Variants in OTUD7A observed in about 807,000 individuals in gnomAD.
OTUD7A encodes the protein OTU domain-containing protein 7A.
OTUD7A carries 12 observed loss-of-function variants against 65.7 expected under a neutral mutation model. The ratio of observed to expected loss-of-function variants is 0.18; its 90% CI spans 0.12 to 0.30. The LOEUF (loss-of-function observed/expected upper bound fraction) is 0.30. Ranked by LOEUF, OTUD7A falls within the 10% of genes least tolerant of loss-of-function variation. The pLI, the probability that OTUD7A is intolerant of heterozygous loss-of-function variation, is 1.00. For synonymous variants in OTUD7A, 641 were observed against 586.3 expected (o/e 1.09, Z -1.35); for missense variants, 1,148 against 1,304.8 (o/e 0.88, Z 1.85).
chr15:31,853,443 A>G (rs987909553), intron 1 of OTUD7A, among the ~76,000 whole-genome samples: 1 of 152,242 alleles, frequency 6.6e-6, no homozygotes, highest in Non-Finnish European at 1.5e-5. Flanking sequence ...ACAAGCCACA[A>G]ACTACTGAGT....
chr15:31,663,069 T>TTC (rs1247294418), intron 1 of OTUD7A, among the ~76,000 whole-genome samples: 1 of 151,996 alleles, frequency 6.6e-6, no homozygotes, highest in Non-Finnish European at 1.5e-5. Context: ...CTTTTTTTTT[T>TTC]TGAGATGGAG....
intron 3 of OTUD7A, among the ~76,000 whole-genome samples, chr15:31,638,538 C>A (rs1891411370): frequency 6.6e-6 from 1 of 150,828 alleles, no homozygotes; most frequent in African/African-American, 2.4e-5. Flanking sequence ...CACCACCAAA[C>A]CAGGCTGATT....
At chr15:31,787,215 C>A (rs1358004485) in intron 1 of OTUD7A, among the ~76,000 whole-genome samples, 1 of 152,150 alleles carries the variant, frequency 6.6e-6, no homozygotes, top group African/African-American at 2.4e-5. Context: ...AGGAAAAGGG[C>A]ACTTGATGGT....
intron 1 of OTUD7A, among the ~76,000 whole-genome samples, chr15:31,790,989 T>C (rs905307471): frequency 6.6e-6 from 1 of 152,190 alleles, no homozygotes; most frequent in Non-Finnish European, 1.5e-5. Flanking sequence ...TCTTGAGTTT[T>C]AGTCCTGACC....
intron 6 of OTUD7A, among the ~76,000 whole-genome samples, 167 bp downstream of exon 6, chr15:31,530,540 G>A (rs974099105): frequency 1.3e-5 from 2 of 152,214 alleles, no homozygotes; most frequent in Non-Finnish European, 2.9e-5. Context: ...TTGACAAGAA[G>A]GGCCAGGATT....
chr15:31,551,257 G>T (rs1275125315), intron 5 of OTUD7A, among the ~76,000 whole-genome samples: 2 of 152,322 alleles, frequency 1.3e-5, no homozygotes, highest in East Asian at 3.9e-4. Context: ...AACCTAGAAT[G>T]TGGTGCCCGA....
intron 3 of OTUD7A, among the ~76,000 whole-genome samples, chr15:31,644,075 G>A (rs1239337547): frequency 2.0e-5 from 3 of 152,166 alleles, no homozygotes; most frequent in African/African-American, 4.8e-5. Flanking sequence ...GGAAAGCAAC[G>A]TGGAGTAGCT....
chr15:31,563,255 T>C (rs1298126719), intron 4 of OTUD7A, among the ~76,000 whole-genome samples: 1 of 152,186 alleles, frequency 6.6e-6, no homozygotes, highest in African/African-American at 2.4e-5. Flanking sequence ...TGTGGCCATC[T>C]GTCTGGATTG....
intron 1 of OTUD7A, among the ~76,000 whole-genome samples, chr15:31,852,192 A>G (rs1463125650): frequency 6.6e-6 from 1 of 152,178 alleles, no homozygotes; most frequent in Non-Finnish European, 1.5e-5. Context: ...ACTTTTTGCC[A>G]GCAATTGAAG....
rs758269775 is a variant in OTUD7A at position 31,526,393 on chromosome 15, G to A, written c.849C>T (p.Ser283=). The A allele has an allele frequency of 1.4e-5, 22 of 1,601,702 alleles. No individual in the cohort carries two copies. The highest frequency in any genetic ancestry group is 5.3e-5 in the African/African-American group (4 of 74,878). The change falls in exon 8 of 13, where the codon AGC becomes AGT. Residue 283 remains serine, a synonymous_variant. Coordinates refer to ENST00000307050, the MANE Select transcript of OTUD7A (RefSeq NM_001382637.1). ...TCTTGCTGAAGTGTGTGCGCGGCTC[G>A]CTGGAGGCCAGCTTCAGCAGCTCCG... ...EWTELLKLAS[S]EPRTHFSKNG...
intron 1 of OTUD7A, among the ~76,000 whole-genome samples, chr15:31,821,125 T>A (rs1896668867): frequency 6.8e-6 from 1 of 147,956 alleles, no homozygotes; most frequent in Non-Finnish European, 1.5e-5. Flanking sequence ...TAAATCAGTT[T>A]TTCATTTCTT....
At chr15:31,569,783 T>C (rs1595618477) in intron 4 of OTUD7A, among the ~76,000 whole-genome samples, 1 of 152,272 alleles carries the variant, frequency 6.6e-6, no homozygotes, top group East Asian at 1.9e-4. Context: ...TATTGGGCTT[T>C]TGGGGTCCTA....
intron 1 of OTUD7A, among the ~76,000 whole-genome samples, chr15:31,682,567 A>G (rs561265362): frequency 6.6e-6 from 1 of 152,352 alleles, no homozygotes; most frequent in South Asian, 2.1e-4. Context: ...AAGACAACTG[A>G]TTTTTGACAA....
In OTUD7A at chr15:31,527,321, G is replaced by A. The variant is rs746253984; in HGVS notation, c.653-13C>T. On this transcript the variant is annotated splice_polypyrimidine_tract_variant and intron_variant, in intron 6 of 12. Transcript: ENST00000307050. ...AACCCCCACATTCCTGGAGCCAGGA[G>A]GCCAGGGAGAACAGAGGAGAGAAAG... 2 of 1,613,630 alleles carry A rather than the reference G, an allele frequency of 1.2e-6. No individual in the cohort carries two copies. The highest frequency in any genetic ancestry group is 8.5e-7 in the Non-Finnish European group (1 of 1,179,756).
intron 1 of OTUD7A, among the ~76,000 whole-genome samples, chr15:31,728,244 G>A (rs1001029501): frequency 2.6e-5 from 4 of 152,046 alleles, no homozygotes; most frequent in African/African-American, 4.8e-5. Context: ...CTTCTTTCAC[G>A]ATGCATCAGT....
intron 7 of OTUD7A, among the ~76,000 whole-genome samples, chr15:31,526,691 G>C (rs1225246078): frequency 6.6e-6 from 1 of 152,172 alleles, no homozygotes; most frequent in Non-Finnish European, 1.5e-5. Flanking sequence ...CACCAACAAG[G>C]GTCATTCTCA....
In OTUD7A at chr15:31,595,127, C is replaced by T. The variant is rs143519781; in HGVS notation, c.152-24930G>A. 2.6e-5 allele frequency among the ~76,000 whole-genome samples: 4 copies of T among 152,252 alleles called. No individual in the cohort carries two copies. In the East Asian group the frequency reaches 7.7e-4, roughly 29 times the overall value. On this transcript the variant is annotated intron_variant, in intron 3 of 12. Transcript: ENST00000307050. The stretch of plus-strand genomic sequence containing the variant: ...AGCATTCTTGGTCATTAGAACATCA[C>T]GGTCAAACTGTGCCCTGGGCCTGTG...
At chr15:31,539,098 C>G (rs1887900777) in intron 5 of OTUD7A, among the ~76,000 whole-genome samples, 1 of 152,182 alleles carries the variant, frequency 6.6e-6, no homozygotes, top group Non-Finnish European at 1.5e-5. Context: ...TTTAAGACTT[C>G]TGACTTGTTA....
At position 31,575,740 on chromosome 15, in the gene OTUD7A, C is replaced by T. The variant is rs34658780; in HGVS notation, c.152-5543G>A. Among the ~76,000 whole-genome samples the T allele has an allele frequency of 9.2e-4, 140 of 152,188 alleles. 1 individual carries two copies. Among genetic ancestry groups the T allele is most frequent in the Admixed American group, 8.2e-3 (125 of 15,306 alleles). ...CAGAGGTGATATCTCACCTCTGTTA[C>T]AATCCATGGCAAGAACTAGCCACAG... On this transcript the variant is annotated intron_variant, in intron 3 of 12. Coordinates refer to ENST00000307050, the MANE Select transcript of OTUD7A (RefSeq NM_001382637.1).
Sources: allele counts gnomAD v4.1 joint callset (sites outside exome capture counted in the v4.1 genomes callset), GRCh38; gene constraint gnomAD v4.1.1; transcripts MANE v1.5; gene names NCBI Gene and HGNC (gene_info 2026-07-23, HGNC 2026-07-21).